Variants in PRKG1 observed in about 807,000 individuals in gnomAD.
The protein encoded by PRKG1 is protein kinase cGMP-dependent 1, also known as cGMP-dependent protein kinase 1.
In PRKG1, 35 loss-of-function variants were observed where a neutral mutation model predicts 88.1. The observed-to-expected ratio is 0.40, with a 90% CI of 0.30 to 0.53. PRKG1 has a LOEUF of 0.53. Ranked by LOEUF, PRKG1 falls within the 20% of genes least tolerant of loss-of-function variation. PRKG1 has a pLI of 0.59. For missense variants in PRKG1, 540 were observed against 839.8 expected (o/e 0.64, Z 4.41); for synonymous variants, 303 against 292.5 (o/e 1.04, Z -0.37).
At chr10:51,601,850 T>C (rs1838615033) in intron 3 of PRKG1, among the ~76,000 whole-genome samples, 2 of 148,320 alleles carry the variant, frequency 1.3e-5, no homozygotes, top group Non-Finnish European at 3.0e-5. Flanking sequence ...AAGGGAAGCA[T>C]GTTATAACTT....
intron 1 of PRKG1, among the ~76,000 whole-genome samples, chr10:51,146,295 G>A (rs576025892): frequency 6.6e-6 from 1 of 151,940 alleles, no homozygotes; most frequent in Non-Finnish European, 1.5e-5. Context: ...TTAAGATGAT[G>A]GCTCATTATA....
intron 2 of PRKG1, among the ~76,000 whole-genome samples, chr10:51,361,689 C>T (rs1177439696): frequency 6.6e-6 from 1 of 151,632 alleles, no homozygotes; most frequent in Non-Finnish European, 1.5e-5. Context: ...AAATTATTAC[C>T]TATTAGCCAC....
chr10:51,649,311 T>A (rs1839985154), intron 3 of PRKG1, among the ~76,000 whole-genome samples: 1 of 152,174 alleles, frequency 6.6e-6, no homozygotes, highest in African/African-American at 2.4e-5. Context: ...AGTAGTATAT[T>A]CATTGTTGAT....
chr10:51,034,443 C>A (rs1014909074), intron 1 of PRKG1, among the ~76,000 whole-genome samples: 3 of 151,640 alleles, frequency 2.0e-5, no homozygotes, highest in Non-Finnish European at 1.5e-5. Flanking sequence ...TAAAATTATC[C>A]ATGTCTATTT....
chr10:51,795,929 C>G (rs1838999250), intron 3 of PRKG1, among the ~76,000 whole-genome samples: 1 of 152,020 alleles, frequency 6.6e-6, no homozygotes, highest in Non-Finnish European at 1.5e-5. Context: ...CATGGTCCAA[C>G]TTGAGAAAAA....
At chr10:51,265,735 A>G (rs1433228619) in intron 2 of PRKG1, among the ~76,000 whole-genome samples, 2 of 152,154 alleles carry the variant, frequency 1.3e-5, no homozygotes. Context: ...CCATTCAGAG[A>G]TAAAGAGGTT....
chr10:51,838,609 T>C (rs1476353523), intron 4 of PRKG1, among the ~76,000 whole-genome samples: 2 of 152,150 alleles, frequency 1.3e-5, no homozygotes, highest in African/African-American at 2.4e-5. Flanking sequence ...GCAGACTAAC[T>C]CCCTGGGGCT....
chr10:51,346,774 T>G (rs554708036), intron 2 of PRKG1, among the ~76,000 whole-genome samples: 28 of 152,320 alleles, frequency 1.8e-4, no homozygotes, highest in African/African-American at 6.3e-4. Flanking sequence ...ACTTTCCAAT[T>G]ATAATGACAT....
chr10:51,102,764 T>A (rs1481878225), intron 1 of PRKG1, among the ~76,000 whole-genome samples: 2 of 152,184 alleles, frequency 1.3e-5, no homozygotes, highest in Non-Finnish European at 2.9e-5. Flanking sequence ...GCACTTTTAG[T>A]GATGCAAACG....
At chr10:52,197,138 A>G (rs150252078) in intron 9 of PRKG1, among the ~76,000 whole-genome samples, 15 of 152,278 alleles carry the variant, frequency 9.9e-5, no homozygotes, top group South Asian at 2.1e-4. Context: ...TTGTCTGGAC[A>G]TTCAGATTTT....
At chr10:51,844,299 A>G (rs1840349015) in intron 4 of PRKG1, among the ~76,000 whole-genome samples, 1 of 152,168 alleles carries the variant, frequency 6.6e-6, no homozygotes, top group Non-Finnish European at 1.5e-5. Context: ...CAAAATGTGA[A>G]TAACGTGTTC....
chr10:52,104,426 C>A (rs894531603), intron 7 of PRKG1, among the ~76,000 whole-genome samples: 1 of 151,912 alleles, frequency 6.6e-6, no homozygotes, highest in African/African-American at 2.4e-5. Flanking sequence ...ATACCCAGTA[C>A]CTTTCAGTGT....
intron 2 of PRKG1, among the ~76,000 whole-genome samples, chr10:51,229,943 A>AG (rs1838796137): frequency 7.6e-6 from 1 of 130,730 alleles, no homozygotes; most frequent in Non-Finnish European, 1.7e-5. Context: ...AAAAAAAAAA[A>AG]AAAAAGAAAA....
At chr10:51,843,759 T>G (rs1334632090) in intron 4 of PRKG1, among the ~76,000 whole-genome samples, 2 of 152,154 alleles carry the variant, frequency 1.3e-5, no homozygotes, top group African/African-American at 4.8e-5. Context: ...ATTATTTCCT[T>G]TTACAGAGAA....
chr10:51,103,213 A>T (rs556292320), intron 1 of PRKG1, among the ~76,000 whole-genome samples: 2 of 152,324 alleles, frequency 1.3e-5, no homozygotes, highest in East Asian at 3.9e-4. Context: ...GAAGGGGGTC[A>T]TTAAAGAAAA....
At chr10:51,117,081 C>G (rs1019276193) in intron 1 of PRKG1, among the ~76,000 whole-genome samples, 1 of 152,070 alleles carries the variant, frequency 6.6e-6, no homozygotes, top group Non-Finnish European at 1.5e-5. Context: ...TATTGTGGAG[C>G]CAATTTTGAG....
At chr10:52,240,501 A>T (rs1840831605) in intron 9 of PRKG1, among the ~76,000 whole-genome samples, 1 of 152,212 alleles carries the variant, frequency 6.6e-6, no homozygotes, top group Non-Finnish European at 1.5e-5. Context: ...TTTCAAAAGG[A>T]AACAAAACCC....
At chr10:51,356,892 A>C (rs1842377268) in intron 2 of PRKG1, among the ~76,000 whole-genome samples, 1 of 152,008 alleles carries the variant, frequency 6.6e-6, no homozygotes, top group Non-Finnish European at 1.5e-5. Context: ...TTTTCTAGGC[A>C]CATCTATCCT....
At chr10:51,819,138 C>A (rs1374883794) in intron 4 of PRKG1, among the ~76,000 whole-genome samples, 2 of 148,842 alleles carry the variant, frequency 1.3e-5, no homozygotes, top group East Asian at 4.1e-4. Context: ...GCATCTGTAT[C>A]TGAGGAGGGC....
Sources: allele counts gnomAD v4.1 joint callset (sites outside exome capture counted in the v4.1 genomes callset), GRCh38; gene constraint gnomAD v4.1.1; transcripts MANE v1.5; gene names NCBI Gene and HGNC (gene_info 2026-07-23, HGNC 2026-07-21).